Variants in STK39 observed in about 807,000 individuals in gnomAD.
STK39 encodes the protein serine/threonine kinase 39.
STK39 carries 20 observed loss-of-function variants against 77.8 expected under a neutral mutation model. That is an observed-to-expected ratio of 0.26 (90% CI 0.18 to 0.37). STK39 has a LOEUF of 0.37. STK39 is among the 10% of genes least tolerant of loss of function. STK39 has a pLI of 1.00. For missense variants in STK39, 479 were observed against 656.5 expected, an observed-to-expected ratio of 0.73 and a Z score of 2.95; for synonymous variants, 246 against 234.1, an observed-to-expected ratio of 1.05 and a Z score of -0.47.
intron 16 of STK39, among the ~76,000 whole-genome samples, chr2:168,011,335 C>A (rs1684265680): frequency 6.6e-6 from 1 of 151,274 alleles, no homozygotes; most frequent in Non-Finnish European, 1.5e-5. Context: ...TAAACCATAT[C>A]ATTTAAGGGG....
rs369314671 is a variant in STK39, at chr2:168,138,170, C to T, written c.892G>A (p.Glu298Lys). The change falls in exon 8 of 18, where the codon GAG (glutamate) becomes AAG (lysine). Residue 298 changes from glutamate (E) to lysine (K), a missense_variant. By Grantham distance (56) the Glu-to-Lys change is moderately conservative. Around this residue, in one of 3 missense-constraint regions of STK39, gnomAD observed 244 missense variants for 296.8 expected, o/e 0.82. Coordinates refer to ENST00000355999, the MANE Select transcript of STK39 (RefSeq NM_013233.3). ...NDPPTLETGVEDKEMMKKYGK... is the reference protein window; with the variant it reads ...NDPPTLETGVKDKEMMKKYGK... Reference sequence around the variant, plus strand: ...TACTTTTTCATCATTTCTTTATCCTCTACCCCTGTTTCCAAAGTGGGTGGA... The same window carrying T: ...TACTTTTTCATCATTTCTTTATCCTTTACCCCTGTTTCCAAAGTGGGTGGA... 6 of 1,613,822 alleles carry T rather than the reference C, an allele frequency of 3.7e-6. No individual in the cohort carries two copies. The highest frequency in any genetic ancestry group is 2.7e-5 in the African/African-American group (2 of 74,938).
In STK39 at chr2:168,194,180, G is replaced by A. The variant is rs184332232; in HGVS notation, c.209-12090C>T. Among the ~76,000 whole-genome samples the A allele has an allele frequency of 1.8e-4, 27 of 152,264 alleles. 1 individual carries two copies. The East Asian group carries it at 4.6e-3, about 26-fold the overall frequency. On this transcript the variant is annotated intron_variant, in intron 1 of 17. Transcript: ENST00000355999. ...TGTAATCCCAGCACTTTGGGAGGCC[G>A]ACATAGGCAGATCACTTGAGGTCAG...
intron 1 of STK39, among the ~76,000 whole-genome samples, chr2:168,237,875 C>T (rs934493841): frequency 1.3e-5 from 2 of 152,150 alleles, no homozygotes; most frequent in African/African-American, 4.8e-5. Flanking sequence ...ATTCCTTCCC[C>T]AGGAAACCCC....
intron 16 of STK39, among the ~76,000 whole-genome samples, chr2:167,989,277 T>C (rs1368934361): frequency 2.0e-5 from 3 of 152,128 alleles, no homozygotes; most frequent in African/African-American, 7.2e-5. Flanking sequence ...ATAAACTTCA[T>C]TTGGTGAATG....
At chr2:168,213,292 T>C (rs1283896974) in intron 1 of STK39, among the ~76,000 whole-genome samples, 1 of 152,194 alleles carries the variant, frequency 6.6e-6, no homozygotes, top group Non-Finnish European at 1.5e-5. Context: ...AATAACCACA[T>C]ACCTCAAATG....
chr2:168,190,953 T>C (rs745684325), intron 1 of STK39, among the ~76,000 whole-genome samples: 4 of 152,218 alleles, frequency 2.6e-5, no homozygotes, highest in Non-Finnish European at 4.4e-5. Flanking sequence ...TCTATTGCTA[T>C]TCACACAGAT....
At chr2:168,223,098 C>A (rs1427679874) in intron 1 of STK39, among the ~76,000 whole-genome samples, 1 of 152,186 alleles carries the variant, frequency 6.6e-6, no homozygotes, top group Non-Finnish European at 1.5e-5. Flanking sequence ...AGCCAAGTAA[C>A]TGGCTCTCAG....
intron 17 of STK39, 134 bp from the exon 18 acceptor site, chr2:167,955,704 G>A: frequency 2.5e-6 from 2 of 799,154 alleles, no homozygotes; most frequent in Non-Finnish European, 4.0e-6. Context: ...TTCCAGAAGA[G>A]AGACGCCAGC....
chr2:167,984,227 C>A (rs1444492715), intron 16 of STK39, among the ~76,000 whole-genome samples: 1 of 152,204 alleles, frequency 6.6e-6, no homozygotes, highest in Admixed American at 6.5e-5. Flanking sequence ...TGCCTTGCAT[C>A]TCATACAGGC....
chr2:168,004,230 A>G (rs755605085), intron 16 of STK39, among the ~76,000 whole-genome samples: 7 of 151,646 alleles, frequency 4.6e-5, no homozygotes, highest in Non-Finnish European at 8.8e-5. Flanking sequence ...GTAAAAATTT[A>G]TACCAATGCC....
intron 17 of STK39, among the ~76,000 whole-genome samples, chr2:167,956,727 CT>C (rs1336941128): frequency 0.019 from 1,152 of 59,800 alleles, 8 homozygotes; most frequent in African/African-American, 0.054. Flanking sequence ...CTCTCTCTCT[CT>C]CCCCCCCCGC....
At chr2:168,178,314 A>G (rs1202560153) in intron 2 of STK39, among the ~76,000 whole-genome samples, 1 of 152,242 alleles carries the variant, frequency 6.6e-6, no homozygotes, top group East Asian at 1.9e-4. Context: ...AGATCATTAT[A>G]CCTTCAGAGA....
chr2:168,053,135 A>G (rs1328020523), intron 14 of STK39, among the ~76,000 whole-genome samples: 1 of 152,264 alleles, frequency 6.6e-6, no homozygotes, highest in Non-Finnish European at 1.5e-5. Context: ...CCATTCTTGT[A>G]CATTTAACCT....
intron 5 of STK39, among the ~76,000 whole-genome samples, chr2:168,151,738 CA>C (rs146231233): frequency 0.24 from 27,115 of 111,334 alleles, 4,569 homozygotes; most frequent in African/African-American, 0.51. Flanking sequence ...GACTCGGTCT[CA>C]AAAAAAAAAA....
chr2:168,208,864 T>G (rs1689810535), intron 1 of STK39, among the ~76,000 whole-genome samples: 1 of 152,172 alleles, frequency 6.6e-6, no homozygotes, highest in South Asian at 2.1e-4. Context: ...CTGACTGAGT[T>G]GCTGCAGGAA....
chr2:168,186,658 C>A (rs1204232332), intron 1 of STK39, among the ~76,000 whole-genome samples: 1 of 152,186 alleles, frequency 6.6e-6, no homozygotes, highest in Admixed American at 6.5e-5. Flanking sequence ...ATAAAATACA[C>A]CTTTAAGGCT....
chr2:168,029,230 G>A (rs1684774226), intron 14 of STK39, among the ~76,000 whole-genome samples: 2 of 152,196 alleles, frequency 1.3e-5, no homozygotes, highest in Non-Finnish European at 2.9e-5. Context: ...CTCCAACTGA[G>A]CACCGGATTT....
chr2:168,166,606 A>G (rs139339656), intron 3 of STK39, among the ~76,000 whole-genome samples: 28 of 152,338 alleles, frequency 1.8e-4, no homozygotes, highest in African/African-American at 6.7e-4. Flanking sequence ...GCATTAGACA[A>G]TCTTCACAAA....
chr2:167,986,791 A>G (rs1683571754), intron 16 of STK39, among the ~76,000 whole-genome samples: 1 of 152,208 alleles, frequency 6.6e-6, no homozygotes, highest in African/African-American at 2.4e-5. Context: ...TGGTTACCTT[A>G]GGGAAGGCAG....
Sources: allele counts gnomAD v4.1 joint callset (sites outside exome capture counted in the v4.1 genomes callset), GRCh38; gene constraint gnomAD v4.1.1; regional missense constraint gnomAD v4.1.1; transcripts MANE v1.5; gene names NCBI Gene and HGNC (gene_info 2026-07-23, HGNC 2026-07-21).